BTBD9: variants seen among roughly 807,000 people sequenced by gnomAD.
BTBD9 encodes BTB/POZ domain-containing protein 9.
BTBD9 carries 49 observed loss-of-function variants against 64.3 expected under a neutral mutation model. That is an observed-to-expected ratio of 0.76 (90% CI 0.61 to 0.97). The LOEUF (loss-of-function observed/expected upper bound fraction) is 0.97, where lower values mean the gene tolerates loss of function less well. Among genes scored for constraint, BTBD9 ranks in the 50% least tolerant of loss-of-function variants. BTBD9 has a pLI of 0.00. For missense variants in BTBD9, 598 were observed against 762.1 expected (o/e 0.78, Z 2.53); for synonymous variants, 260 against 274.7 (o/e 0.95, Z 0.53).
chr6:38,595,511 G>A (rs528244653), intron 2 of BTBD9, among the ~76,000 whole-genome samples: 2 of 152,212 alleles, frequency 1.3e-5, no homozygotes, highest in Admixed American at 1.3e-4. Flanking sequence ...AGGAAAGAAA[G>A]GACGAAGAGG....
At chr6:38,211,302 G>T (rs569514464) in intron 9 of BTBD9, among the ~76,000 whole-genome samples, 1 of 152,106 alleles carries the variant, frequency 6.6e-6, no homozygotes, top group Non-Finnish European at 1.5e-5. Flanking sequence ...GGTGGCGGGC[G>T]CCTGCAGTCC....
At position 38,175,088 on chromosome 6, in the gene BTBD9, G is replaced by T; in HGVS notation, c.1736C>A (p.Ala579Asp). The T allele has an allele frequency of 1.2e-6, 2 of 1,614,240 alleles. No homozygotes were observed. The highest frequency in any genetic ancestry group is 1.7e-6 in the Non-Finnish European group (2 of 1,180,056). ...CGCATGGGAGTCGAGCTGCTGACCG[G>T]CCAGGCTGGTGTCCCCTGTCCCCGA... ...EESGTGDTSL[A>D]GQQLDSHALR... Residue 579 changes from alanine to aspartate, a missense_variant, in exon 11 of 11, where the codon GCC becomes GAC. Coordinates refer to ENST00000481247, the MANE Select transcript of BTBD9 (RefSeq NM_001099272.2).
chr6:38,446,907 T>C (rs1330941583), intron 6 of BTBD9, among the ~76,000 whole-genome samples: 1 of 152,122 alleles, frequency 6.6e-6, no homozygotes, highest in African/African-American at 2.4e-5. Flanking sequence ...TGCATACAAA[T>C]CTAGACAAAT....
intron 6 of BTBD9, among the ~76,000 whole-genome samples, chr6:38,345,557 T>G (rs1764247489): frequency 6.6e-6 from 1 of 152,250 alleles, no homozygotes; most frequent in South Asian, 2.1e-4. Context: ...ATTGCTTTCT[T>G]GTTTAAAAGA....
intron 6 of BTBD9, among the ~76,000 whole-genome samples, chr6:38,522,413 T>G (rs950529373): frequency 2.6e-5 from 4 of 152,194 alleles, no homozygotes; most frequent in African/African-American, 9.6e-5. Context: ...ATGGCCTTCT[T>G]ATTGCCAGAT....
chr6:38,193,906 C>T (rs1762185766), intron 9 of BTBD9: 1 of 983,554 alleles, frequency 1.0e-6, no homozygotes, highest in African/African-American at 1.7e-5. Context: ...CACCAGTCCC[C>T]TTAAGGTCAT....
At chr6:38,330,206 C>T (rs1763620514) in intron 7 of BTBD9, among the ~76,000 whole-genome samples, 2 of 152,092 alleles carry the variant, frequency 1.3e-5, no homozygotes, top group South Asian at 2.1e-4. Context: ...AGGCGTGCCA[C>T]CACACCTGGC....
At chr6:38,589,631 T>C (rs1220691496) in intron 4 of BTBD9, among the ~76,000 whole-genome samples, 1 of 152,208 alleles carries the variant, frequency 6.6e-6, no homozygotes. Flanking sequence ...ACTATTTTTT[T>C]ACTACCTTAC....
intron 6 of BTBD9, among the ~76,000 whole-genome samples, chr6:38,542,006 AATAT>A (rs1774303789): frequency 6.6e-6 from 1 of 152,206 alleles, no homozygotes; most frequent in Non-Finnish European, 1.5e-5. Context: ...TTATACAGAG[AATAT>A]ACAGGGAGGA....
At chr6:38,473,626 T>C (rs1245192905) in intron 6 of BTBD9, among the ~76,000 whole-genome samples, 1 of 152,210 alleles carries the variant, frequency 6.6e-6, no homozygotes, top group Non-Finnish European at 1.5e-5. Context: ...CTTATTCACC[T>C]TTCATTCATT....
intron 8 of BTBD9, among the ~76,000 whole-genome samples, chr6:38,271,776 T>G (rs183027865): frequency 5.9e-5 from 9 of 152,318 alleles, no homozygotes; most frequent in Non-Finnish European, 1.0e-4. Flanking sequence ...AAGGCTGAGC[T>G]TAGCCTAGAA....
At chr6:38,403,016 T>G in intron 6 of BTBD9, 1 of 552,086 alleles carries the variant, frequency 1.8e-6, no homozygotes, top group Non-Finnish European at 3.2e-6. Context: ...GAGGCTGCAG[T>G]GAGCTATCAT....
At chr6:38,334,459 C>CT (rs1472757799) in intron 7 of BTBD9, among the ~76,000 whole-genome samples, 4 of 152,048 alleles carry the variant, frequency 2.6e-5, no homozygotes, top group Non-Finnish European at 5.9e-5. Context: ...ACTCGGGAGG[C>CT]TGAGGCAAGA....
At chr6:38,205,194 C>G (rs1015580651) in intron 9 of BTBD9, among the ~76,000 whole-genome samples, 34 of 152,066 alleles carry the variant, frequency 2.2e-4, no homozygotes, top group Non-Finnish European at 4.9e-4. Flanking sequence ...CAAATTTTCC[C>G]ACATATGAAG....
chr6:38,294,310 A>C (rs533732071), intron 7 of BTBD9, among the ~76,000 whole-genome samples: 3 of 152,228 alleles, frequency 2.0e-5, no homozygotes, highest in African/African-American at 7.2e-5. Flanking sequence ...CAGCCATCTC[A>C]TTACTGGGTA....
At chr6:38,175,236 GAGTTGCCGCA>G in intron 10 of BTBD9, 54 bp from the exon 11 acceptor site, 1 of 1,581,430 alleles carries the variant, frequency 6.3e-7, no homozygotes, top group Non-Finnish European at 8.7e-7. Context: ...TGCGGCCCTG[GAGTTGCCGCA>G]AGTTGGGATA....
chr6:38,627,398 AT>A (rs1778205405), intron 1 of BTBD9, among the ~76,000 whole-genome samples: 1 of 152,236 alleles, frequency 6.6e-6, no homozygotes, highest in Non-Finnish European at 1.5e-5. Flanking sequence ...GAAAAGCAAG[AT>A]GCAGTACAAT....
At chr6:38,601,024 T>C (rs1301775122) in intron 1 of BTBD9, among the ~76,000 whole-genome samples, 1 of 152,080 alleles carries the variant, frequency 6.6e-6, no homozygotes. Flanking sequence ...TTGCCCAACA[T>C]TGGAATCAAA....
chr6:38,618,916 A>G (rs549878532), intron 1 of BTBD9, among the ~76,000 whole-genome samples: 3 of 152,338 alleles, frequency 2.0e-5, no homozygotes, highest in Non-Finnish European at 4.4e-5. Flanking sequence ...TTTCCCTACC[A>G]GTCAGCAAGC....
Sources: gnomAD v4.1 joint callset for allele counts (sites outside exome capture counted in the v4.1 genomes callset) on GRCh38, gnomAD v4.1.1 for gene constraint, MANE v1.5 for transcripts, NCBI Gene and HGNC (gene_info 2026-07-23, HGNC 2026-07-21) for gene names.